Variants in LRRIQ3 observed in about 807,000 individuals in gnomAD.
LRRIQ3 encodes leucine-rich repeat and IQ domain-containing protein 3.
A neutral mutation model predicts 59.3 loss-of-function variants in LRRIQ3; 75 were observed. The ratio of observed to expected loss-of-function variants is 1.26; its 90% CI spans 1.05 to 1.53. The LOEUF is 1.53. LRRIQ3 is among the 40% of genes most tolerant of loss of function. LRRIQ3 has a pLI of 0.00. For missense variants in LRRIQ3, 831 were observed against 710.0 expected (o/e 1.17, Z -1.94); for synonymous variants, 250 against 231.3 (o/e 1.08, Z -0.73).
chr1:74,064,473 T>C (rs1161177960), intron 6 of LRRIQ3, among the ~76,000 whole-genome samples: 36 of 152,050 alleles, frequency 2.4e-4, no homozygotes, highest in Non-Finnish European at 2.9e-5. Flanking sequence ...TTGTGTTTTA[T>C]AATTACTGAC....
intron 4 of LRRIQ3, among the ~76,000 whole-genome samples, chr1:74,153,397 TAG>T (rs1648108477): frequency 6.6e-6 from 1 of 152,118 alleles, no homozygotes; most frequent in African/African-American, 2.4e-5. Flanking sequence ...TGCCTAGAAA[TAG>T]AGACACAAGA....
intron 4 of LRRIQ3, among the ~76,000 whole-genome samples, chr1:74,150,055 G>T (rs1274384331): frequency 6.6e-6 from 1 of 152,174 alleles, no homozygotes; most frequent in African/African-American, 2.4e-5. Context: ...TCCGGTAAGG[G>T]TGATTAAAAT....
intron 6 of LRRIQ3, among the ~76,000 whole-genome samples, chr1:74,066,020 C>G (rs1250181405): frequency 1.3e-5 from 2 of 151,866 alleles, no homozygotes; most frequent in African/African-American, 4.8e-5. Context: ...AACCCCATCT[C>G]TACTAAAAAT....
intron 5 of LRRIQ3, among the ~76,000 whole-genome samples, chr1:74,076,207 G>T (rs1646208249): frequency 6.6e-6 from 1 of 152,014 alleles, no homozygotes; most frequent in Non-Finnish European, 1.5e-5. Context: ...ACTTTCTTTG[G>T]TAAGAAACAC....
At chr1:74,097,116 C>T (rs1376374591) in intron 5 of LRRIQ3, among the ~76,000 whole-genome samples, 1 of 152,112 alleles carries the variant, frequency 6.6e-6, no homozygotes, top group East Asian at 1.9e-4. Flanking sequence ...TTTCTGCTGC[C>T]TTTTGGGGGA....
intron 7 of LRRIQ3, 28 bp downstream of exon 7, chr1:74,041,185 G>A (rs1384757320): frequency 2.0e-6 from 3 of 1,466,326 alleles, no homozygotes; most frequent in Admixed American, 2.2e-5. Flanking sequence ...TGACTTTAAT[G>A]CCTCTGTTAT....
chr1:74,098,856 T>C (rs887915441), intron 5 of LRRIQ3, among the ~76,000 whole-genome samples: 13 of 151,914 alleles, frequency 8.6e-5, no homozygotes, highest in African/African-American at 1.2e-4. Flanking sequence ...TTGAAACCAA[T>C]GAGAAAAAAG....
In LRRIQ3 at chr1:74,074,705, T is replaced by C. The variant is rs199797490; in HGVS notation, c.953A>G (p.Asp318Gly). 1.1e-4 allele frequency: 163 copies of C among 1,457,772 alleles called. No homozygotes were observed. The African/African-American group carries it at 2.1e-3, about 19-fold the overall frequency. The allele number at this position is 1,457,772 out of a possible 1,614,324, so 90.3% of individuals were successfully genotyped here. A position where few individuals can be genotyped will look rare whatever the true frequency, so the allele number is the denominator to read the frequency against. Residue 318 changes from aspartate to glycine, a missense_variant, in exon 6 of 8, where the codon GAT (aspartate) becomes GGT (glycine). Transcript: ENST00000354431. ...TGATGTTTTTGATTTCATGCCTAGATCTTTTGGTTTTAATTCACATAAAAT... is the reference window on the plus strand; with the variant it reads ...TGATGTTTTTGATTTCATGCCTAGACCTTTTGGTTTTAATTCACATAAAAT... ...SSILCELKPK[D>G]LGMKSKTSRH...
intron 1 of LRRIQ3, among the ~76,000 whole-genome samples, chr1:74,192,141 T>C (rs1185500426): frequency 6.6e-6 from 1 of 152,126 alleles, no homozygotes; most frequent in Non-Finnish European, 1.5e-5. Flanking sequence ...TGGGGAGGTC[T>C]TTCCATATAC....
chr1:74,165,940 T>G (rs1469481307), intron 3 of LRRIQ3, among the ~76,000 whole-genome samples: 3 of 151,668 alleles, frequency 2.0e-5, no homozygotes, highest in Non-Finnish European at 4.4e-5. Context: ...GTATATATTT[T>G]TATATACTGC....
At chr1:74,160,455 C>T (rs1042504153) in intron 3 of LRRIQ3, among the ~76,000 whole-genome samples, 2 of 152,046 alleles carry the variant, frequency 1.3e-5, no homozygotes, top group African/African-American at 4.8e-5. Flanking sequence ...AATATATGTA[C>T]TTTGCTCACA....
Position 74,026,640 on chromosome 1 carries a change from T to G in LRRIQ3, c.*173A>C. 1 of 546,728 alleles carries G rather than the reference T, an allele frequency of 1.8e-6. No individual in the cohort carries two copies. The highest frequency in any genetic ancestry group is 3.0e-6 in the Non-Finnish European group (1 of 336,580). The allele number at this position is 546,728 out of a possible 1,614,324, so 33.9% of individuals were successfully genotyped here. On this transcript the variant is annotated 3_prime_UTR_variant, in exon 8 of 8. Transcript: ENST00000354431. Reference sequence around the variant, plus strand: ...GGTGCTAAGTCAACTTTAAGTTAAATTATGACCAATAAGAGAAACATTTTA... The same window carrying G: ...GGTGCTAAGTCAACTTTAAGTTAAAGTATGACCAATAAGAGAAACATTTTA...
At chr1:74,120,650 C>T (rs927010080) in intron 4 of LRRIQ3, among the ~76,000 whole-genome samples, 1 of 151,552 alleles carries the variant, frequency 6.6e-6, no homozygotes, top group Non-Finnish European at 1.5e-5. Flanking sequence ...AAACATGTGG[C>T]CAGATTTATC....
intron 4 of LRRIQ3, among the ~76,000 whole-genome samples, chr1:74,142,414 T>C (rs1647298971): frequency 2.0e-5 from 3 of 151,992 alleles, no homozygotes; most frequent in Admixed American, 1.3e-4. Context: ...GTTTACCTAC[T>C]TTCCCAAAGC....
intron 4 of LRRIQ3, among the ~76,000 whole-genome samples, chr1:74,110,862 G>A (rs182389172): frequency 6.6e-6 from 1 of 152,102 alleles, no homozygotes; most frequent in East Asian, 1.9e-4. Context: ...TAGGCTAGTG[G>A]AGTAGCCCTG....
intron 4 of LRRIQ3, 132 bp from the exon 5 acceptor site, chr1:74,109,685 A>G: frequency 1.5e-6 from 1 of 682,686 alleles, no homozygotes; most frequent in Non-Finnish European, 2.2e-6. Context: ...TTATTTTCAT[A>G]GTAGTGTTAT....
chr1:74,083,947 A>C (rs1030518454), intron 5 of LRRIQ3: 1 of 391,588 alleles, frequency 2.6e-6, no homozygotes, highest in African/African-American at 2.1e-5. Context: ...TAGCTTTCTT[A>C]TATGAGGAAG....
Position 74,109,451 on chromosome 1 carries a change from C to T in LRRIQ3, c.810G>A (p.Lys270=). 1.3e-6 allele frequency: 2 copies of T among 1,575,510 alleles called. No individual in the cohort carries two copies. Among genetic ancestry groups the T allele is most frequent in the Non-Finnish European group, 1.7e-6 (2 of 1,162,070 alleles). ...ITKGYEDKLL[K]DLFFKPETNI... is the part of the protein sequence containing the mutation. The stretch of plus-strand genomic sequence containing the variant: ...TAGTTTCAGGTTTGAAAAAGAGATC[C>T]TTAAGGAGCTTATCTTCATACCCTT... The change falls in exon 5 of 8, where the codon AAG becomes AAA. Residue 270 remains lysine, a synonymous_variant. Transcript: ENST00000354431.
At chr1:74,194,307 T>C (rs1423156468) in intron 1 of LRRIQ3, among the ~76,000 whole-genome samples, 2 of 152,158 alleles carry the variant, frequency 1.3e-5, no homozygotes, top group Non-Finnish European at 2.9e-5. Flanking sequence ...GAGAGTCTAG[T>C]AGAACAGTCA....
Sources: gnomAD v4.1 joint callset for allele counts (sites outside exome capture counted in the v4.1 genomes callset) on GRCh38, gnomAD v4.1.1 for gene constraint, MANE v1.5 for transcripts, NCBI Gene and HGNC (gene_info 2026-07-23, HGNC 2026-07-21) for gene names.